The following PCDH8 variants were observed in gnomAD, a reference collection of about 807,000 sequenced individuals.
The protein encoded by PCDH8 is protocadherin-8.
In PCDH8, 36 loss-of-function variants were observed where a neutral mutation model predicts 58.2. The observed-to-expected ratio is 0.62, with a 90% confidence interval of 0.47 to 0.82. The LOEUF (loss-of-function observed/expected upper bound fraction) is 0.82, where lower values mean the gene tolerates loss of function less well. Ranked by LOEUF, PCDH8 falls within the 40% of genes least tolerant of loss-of-function variation. The pLI, the probability that PCDH8 is intolerant of heterozygous loss-of-function variation, is 0.00. For missense variants in PCDH8, 1,493 were observed against 1,567.8 expected, an observed-to-expected ratio of 0.95 and a Z score of 0.81; for synonymous variants, 775 against 728.9, an observed-to-expected ratio of 1.06 and a Z score of -1.02.
At position 52,847,847 on chromosome 13, in the gene PCDH8, A is replaced by G; in HGVS notation, c.590T>C (p.Leu197Pro). The G allele has an allele frequency of 6.7e-7, 1 of 1,503,122 alleles. No homozygotes were observed. The highest frequency in any genetic ancestry group is 8.8e-7 in the Non-Finnish European group (1 of 1,131,388). 93.1% of individuals were successfully genotyped at this position (1,503,122 alleles called of 1,614,324 possible). A position where few individuals can be genotyped will look rare whatever the true frequency, so the allele number is the denominator to read the frequency against. Residue 197 changes from leucine (L) to proline (P), a missense_variant, in exon 1 of 3, where the codon CTG becomes CCG. Leu to Pro is a moderately conservative substitution (Grantham distance 98). Transcript: ENST00000377942. ...GCGGTCCAGCTCCTGCAGCAGCACC[A>G]GGTCTGCGCACTGAGCGCCGTCCGC... ...TRADGAQCAD[L>P]VLLQELDRES...
chr13:52,848,182 G>A lies in PCDH8; in HGVS notation c.255C>T (p.Val85=). 6.2e-7 allele frequency: 1 copy of A among 1,612,626 alleles called. No homozygotes were observed. Among genetic ancestry groups the A allele is most frequent in the East Asian group, 2.2e-5 (1 of 44,854 alleles). Residue 85 remains valine, a synonymous_variant, in exon 1 of 3, where the codon GTC becomes GTT. Transcript: ENST00000377942. ...GCTCGCGGTCCAGGCCGGCGTCCCC[G>A]ACGGTCAGCTGCCCGTCGCCTTCGC... The part of the protein sequence containing the change: ...RVREGDGQLT[V]GDAGLDRERL...
In PCDH8 at chr13:52,844,411, C is replaced by T. The variant is rs1179506310; in HGVS notation, c.*149G>A. On this transcript the variant is annotated 3_prime_UTR_variant, in exon 3 of 3. Coordinates refer to ENST00000377942, the MANE Select transcript of PCDH8 (RefSeq NM_002590.4). ...TAACTACATTTTTGTTTGCAAATAC[C>T]AAACAGTACCAATGTGATTGGAAAT... 4 of 555,936 alleles carry T rather than the reference C, an allele frequency of 7.2e-6. No homozygotes were observed. The highest frequency in any genetic ancestry group is 1.2e-5 in the Non-Finnish European group (4 of 338,198). 34.4% of individuals were successfully genotyped at this position (555,936 alleles called of 1,614,324 possible). A position where few individuals can be genotyped will look rare whatever the true frequency, so the allele number is the denominator to read the frequency against.
rs145156079 is a variant in PCDH8 at position 52,848,381 on chromosome 13, C to G, written c.56G>C (p.Ser19Thr). 1 of 1,611,902 alleles carries G rather than the reference C, an allele frequency of 6.2e-7. No homozygotes were observed. Reference protein sequence around the residue: ...SPCLFPLQLFSLCWVLSVAQS... With the variant: ...SPCLFPLQLFTLCWVLSVAQS... ...GGCCACTGAGAGCACCCAGCAGAGG[C>G]TGAAGAGCTGCAAGGGGAAAAGGCA... is the stretch of plus-strand genomic sequence containing the variant. Residue 19 changes from serine to threonine, a missense_variant, in exon 1 of 3, where the codon AGC becomes ACC. By Grantham distance (58) the Ser-to-Thr change is moderately conservative (BLOSUM62 1). Transcript: ENST00000377942.
chr13:52,845,800 C>A lies in PCDH8; in HGVS notation c.2631+6G>T. The A allele has an allele frequency of 2.0e-6, 3 of 1,501,020 alleles. No homozygotes were observed. The highest frequency in any genetic ancestry group is 2.6e-6 in the Non-Finnish European group (3 of 1,133,300). The allele number at this position is 1,501,020 out of a possible 1,614,324, so 93.0% of individuals were successfully genotyped here. On this transcript the variant is annotated splice_donor_region_variant and intron_variant, in intron 1 of 2. Transcript: ENST00000377942. ...AGGGGGGCGCCCAGCCGAAGGAAGG[C>A]CTCACCTCGGCGTGCGCGCCGCGGA... is the stretch of plus-strand genomic sequence containing the variant.
chr13:52,848,050 G>A lies in PCDH8; in HGVS notation c.387C>T (p.Asn129=), dbSNP rs200833172. The stretch of plus-strand genomic sequence containing the variant: ...CCCTGGGGAAGCGCGGCGCGTGGTC[G>A]TTGACGTCCCTCACCTCTACCTCCA... ...VHVEVEVRDV[N]DHAPRFPRAQ... is the part of the protein sequence containing the mutation. The change falls in exon 1 of 3, where the codon AAC becomes AAT. Residue 129 remains asparagine (N), a synonymous_variant. Transcript: ENST00000377942. The A allele has an allele frequency of 6.2e-7, 1 of 1,612,190 alleles. No homozygotes were observed. Among genetic ancestry groups the A allele is most frequent in the Non-Finnish European group, 8.5e-7 (1 of 1,179,368 alleles).
rs1965781610 is a variant in PCDH8 at position 52,848,544 on chromosome 13, G to C, written c.-108C>G. The C allele has an allele frequency of 4.2e-6, 6 of 1,445,086 alleles. No individual in the cohort carries two copies. The highest frequency in any genetic ancestry group is 5.4e-6 in the Non-Finnish European group (6 of 1,103,578). 89.5% of individuals were successfully genotyped at this position (1,445,086 alleles called of 1,614,324 possible). On this transcript the variant is annotated 5_prime_UTR_variant, in exon 1 of 3. Coordinates refer to ENST00000377942, the MANE Select transcript of PCDH8 (RefSeq NM_002590.4). ...ATCACGCTCTTTGCGAGCCCTGTGCGGGAGAAGTCTGCGGGTAGCAGCTCC... is the reference window on the plus strand; with the variant it reads ...ATCACGCTCTTTGCGAGCCCTGTGCCGGAGAAGTCTGCGGGTAGCAGCTCC...
rs751379408 is a variant in PCDH8, at chr13:52,844,690, CT to C, written c.3082del (p.Arg1028GlyfsTer61). ...GGGAGGGGAGAGCAGAGTGACTGTC[CT>C]GTCATAGTCTCTGTGCAGTACTTTC... ...YEKVLHRDYD[R>X]TVTLLSPPRP... On this transcript the variant is annotated frameshift_variant, in exon 3 of 3. Coordinates refer to ENST00000377942, the MANE Select transcript of PCDH8 (RefSeq NM_002590.4). LOFTEE classifies it high-confidence loss of function. 3 of 1,614,140 alleles carry C rather than the reference CT, an allele frequency of 1.9e-6. No homozygotes were observed. The highest frequency in any genetic ancestry group is 2.5e-6 in the Non-Finnish European group (3 of 1,180,024).
rs760357039 is a variant in PCDH8, at chr13:52,846,226, G to A, written c.2211C>T (p.Leu737=). 2.0e-5 allele frequency: 31 copies of A among 1,585,156 alleles called. No homozygotes were observed. The South Asian group carries it at 3.1e-4, about 16-fold the overall frequency. Residue 737 remains leucine (L), a synonymous_variant, in exon 1 of 3, where the codon CTC becomes CTT. Coordinates refer to ENST00000377942, the MANE Select transcript of PCDH8 (RefSeq NM_002590.4). ...ATTGCAGCACCGACCCGGACACCCC[G>A]AGCCGAGAGCCAGGCGGGCGGGAAC... ...PERSRPPGSR[L]GVSGSVLQWD...
In PCDH8 at chr13:52,848,495, G is replaced by A. The variant is rs1042915045; in HGVS notation, c.-59C>T. On this transcript the variant is annotated 5_prime_UTR_variant, in exon 1 of 3. Coordinates refer to ENST00000377942, the MANE Select transcript of PCDH8 (RefSeq NM_002590.4). ...GGAAGTCTTCTCTGGTTTCCAGGTC[G>A]GGCGTCAGTCTCAGGCTCTCGGAAT... The A allele has an allele frequency of 2.6e-6, 4 of 1,511,922 alleles. No homozygotes were observed. The highest frequency in any genetic ancestry group is 2.1e-5 in the Admixed American group (1 of 48,318). The allele number at this position is 1,511,922 out of a possible 1,614,324, so 93.7% of individuals were successfully genotyped here.
At position 52,844,895 on chromosome 13, in the gene PCDH8, G is replaced by T. The variant is rs150492311; in HGVS notation, c.2878C>A (p.His960Asn). 6.4e-7 allele frequency: 1 copy of T among 1,560,240 alleles called. No individual in the cohort carries two copies. The highest frequency in any genetic ancestry group is 1.4e-5 in the African/African-American group (1 of 73,608). Residue 960 changes from histidine (H) to asparagine (N), a missense_variant, in exon 3 of 3, where the codon CAC (histidine) becomes AAC (asparagine). By Grantham distance (68) the His-to-Asn change is moderately conservative. Coordinates refer to ENST00000377942, the MANE Select transcript of PCDH8 (RefSeq NM_002590.4). The stretch of plus-strand genomic sequence containing the variant: ...GATGGGCTCCAGCAGCGGTCAGAGT[G>T]GCCCAGGATCTTACACTCAGCGGTG... Reference protein sequence around the residue: ...ACTAECKILGHSDRCWSPSCS... With the variant: ...ACTAECKILGNSDRCWSPSCS...
chr13:52,848,306 G>A lies in PCDH8; in HGVS notation c.131C>T (p.Thr44Met), dbSNP rs200821840. The A allele has an allele frequency of 1.2e-6, 2 of 1,613,496 alleles. No individual in the cohort carries two copies. The highest frequency in any genetic ancestry group is 2.7e-5 in the African/African-American group (2 of 75,060). ...YSTFEEDAPG[T>M]VIGTLAEDLH... ...GTCCTCGGCCAGGGTCCCGATGACC[G>A]TGCCGGGGGCATCCTCCTCGAAGGT... is the stretch of plus-strand genomic sequence containing the variant. Residue 44 changes from threonine to methionine, a missense_variant, in exon 1 of 3, where the codon ACG (threonine) becomes ATG (methionine). By Grantham distance (81) the Thr-to-Met change is moderately conservative. Coordinates refer to ENST00000377942, the MANE Select transcript of PCDH8 (RefSeq NM_002590.4).
rs772523199 is a variant in PCDH8 at position 52,844,944 on chromosome 13, A to G, written c.2840-11T>C. On this transcript the variant is annotated splice_polypyrimidine_tract_variant and intron_variant, in intron 2 of 2. Coordinates refer to ENST00000377942, the MANE Select transcript of PCDH8 (RefSeq NM_002590.4). ...TGCACGCCCACAGTCCTAATACGAA[A>G]GGGAAAAGGAAACAGCATGACGATT... 6.6e-7 allele frequency: 1 copy of G among 1,511,184 alleles called. No homozygotes were observed. The highest frequency in any genetic ancestry group is 8.8e-7 in the Non-Finnish European group (1 of 1,130,434). 93.6% of individuals were successfully genotyped at this position (1,511,184 alleles called of 1,614,324 possible).
At position 52,847,658 on chromosome 13, in the gene PCDH8, G is replaced by A. The variant is rs1293326439; in HGVS notation, c.779C>T (p.Pro260Leu). The A allele has an allele frequency of 4.5e-6, 7 of 1,570,802 alleles. No individual in the cohort carries two copies. The South Asian group carries it at 6.9e-5, about 16-fold the overall frequency. ...VAEVELAEDAPVGSLLLDLDA... is the reference protein window; with the variant it reads ...VAEVELAEDALVGSLLLDLDA... ...CAGGTCGAGAAGCAGGGAGCCCACG[G>A]GCGCGTCTTCCGCCAGCTCCACTTC... Residue 260 changes from proline to leucine, a missense_variant, in exon 1 of 3, where the codon CCC (proline) becomes CTC (leucine). Pro to Leu is a moderately conservative substitution (Grantham distance 98). Around this residue, in one of 3 missense-constraint regions of PCDH8, gnomAD observed 1,307 missense variants for 1,362.7 expected, o/e 0.96. Coordinates refer to ENST00000377942, the MANE Select transcript of PCDH8 (RefSeq NM_002590.4).
chr13:52,844,835 G>A lies in PCDH8; in HGVS notation c.2938C>T (p.Pro980Ser), dbSNP rs780684382. The A allele has an allele frequency of 1.9e-6, 3 of 1,611,176 alleles. No homozygotes were observed. The highest frequency in any genetic ancestry group is 3.3e-5 in the Admixed American group (2 of 59,834). ...SGPNAHPSPHPPAQMSTFCKS... is the reference protein window; with the variant it reads ...SGPNAHPSPHSPAQMSTFCKS... ...CAGAAGGTTGACATCTGGGCTGGTG[G>A]GTGAGGCGATGGATGTGCGTTGGGC... The change falls in exon 3 of 3, where the codon CCA becomes TCA. Residue 980 changes from proline (P) to serine (S), a missense_variant. By Grantham distance (74) the Pro-to-Ser change is moderately conservative. Transcript: ENST00000377942.
rs1485596943 is a variant in PCDH8, at chr13:52,844,724, C to T, written c.3049G>A (p.Val1017Ile). ...QLPKTVGLQS[V>I]YEKVLHRDYD... is the part of the protein sequence containing the mutation. ...TCTCTGTGCAGTACTTTCTCATAGA[C>T]GCTCTGCAGCCCCACTGTCTTGGGC... Residue 1017 changes from valine (V) to isoleucine (I), a missense_variant, in exon 3 of 3, where the codon GTC (valine) becomes ATC (isoleucine). Transcript: ENST00000377942. The T allele has an allele frequency of 1.9e-6, 3 of 1,613,808 alleles. No individual in the cohort carries two copies. The highest frequency in any genetic ancestry group is 1.7e-5 in the Admixed American group (1 of 60,000).
rs899573288 is a variant in PCDH8 at position 52,847,993 on chromosome 13, C to A, written c.444G>T (p.Ala148=). The change falls in exon 1 of 3, where the codon GCG becomes GCT. Residue 148 remains alanine (A), a synonymous_variant. Transcript: ENST00000377942. ...AQIPVEVSEG[A]AVGTRIPLEV... ...CCAAGGGGATGCGCGTGCCCACTGCCGCACCCTCGGACACCTCTACCGGGA... is the reference window on the plus strand; with the variant it reads ...CCAAGGGGATGCGCGTGCCCACTGCAGCACCCTCGGACACCTCTACCGGGA... The A allele has an allele frequency of 6.2e-6, 10 of 1,610,550 alleles. No individual in the cohort carries two copies. The African/African-American group carries it at 1.3e-4, about 22-fold the overall frequency.
At position 52,846,488 on chromosome 13, in the gene PCDH8, G is replaced by A. The variant is rs760335077; in HGVS notation, c.1949C>T (p.Ala650Val). Residue 650 changes from alanine to valine, a missense_variant, in exon 1 of 3, where the codon GCG (alanine) becomes GTG (valine). Ala to Val is a moderately conservative substitution (Grantham distance 64). Coordinates refer to ENST00000377942, the MANE Select transcript of PCDH8 (RefSeq NM_002590.4). Reference protein sequence around the residue: ...DADEGANGELAFELQQQEPRE... With the variant: ...DADEGANGELVFELQQQEPRE... ...CGGCTCCTGCTGCTGCAGCTCGAAC[G>A]CCAGCTCCCCGTTGGCTCCCTCGTC... is the stretch of plus-strand genomic sequence containing the variant. 2 of 1,597,846 alleles carry A rather than the reference G, an allele frequency of 1.3e-6. No homozygotes were observed. Among genetic ancestry groups the A allele is most frequent in the East Asian group, 2.2e-5 (1 of 44,786 alleles).
Position 52,848,250 on chromosome 13 carries a change from A to C in PCDH8, c.187T>G (p.Phe63Val). The C allele has an allele frequency of 6.2e-7, 1 of 1,613,692 alleles. No individual in the cohort carries two copies. Among genetic ancestry groups the C allele is most frequent in the South Asian group, 1.1e-5 (1 of 91,070 alleles). The change falls in exon 1 of 3, where the codon TTC (phenylalanine) becomes GTC (valine). Residue 63 changes from phenylalanine (F) to valine (V), a missense_variant. Coordinates refer to ENST00000377942, the MANE Select transcript of PCDH8 (RefSeq NM_002590.4). ...CTGTTGAATTGCTTCATCAGGCGGA[A>C]GCTTGTGTCACCCGATACTTTCATA... is the stretch of plus-strand genomic sequence containing the variant. ...LHMKVSGDTSFRLMKQFNSSL... is the reference protein window; with the variant it reads ...LHMKVSGDTSVRLMKQFNSSL...
In PCDH8 at chr13:52,844,291, G is replaced by A. The variant is rs962090941; in HGVS notation, c.*269C>T. On this transcript the variant is annotated 3_prime_UTR_variant, in exon 3 of 3. Coordinates refer to ENST00000377942, the MANE Select transcript of PCDH8 (RefSeq NM_002590.4). ...AAACATTACATTACACAATGTACAG[G>A]TTAAAAACACTAAGAAAATGGCAAG... 3.7e-6 allele frequency: 1 copy of A among 270,170 alleles called. No homozygotes were observed. Among genetic ancestry groups the A allele is most frequent in the Non-Finnish European group, 7.0e-6 (1 of 143,404 alleles). 16.7% of individuals were successfully genotyped at this position (270,170 alleles called of 1,614,324 possible). A position where few individuals can be genotyped will look rare whatever the true frequency, so the allele number is the denominator to read the frequency against.
Sources: allele counts gnomAD v4.1 joint callset, GRCh38; gene constraint gnomAD v4.1.1; regional missense constraint gnomAD v4.1.1; transcripts MANE v1.5; gene names NCBI Gene and HGNC (gene_info 2026-07-23, HGNC 2026-07-21).